The following AFF1 variants were observed in gnomAD, a reference collection of about 807,000 sequenced individuals.
The protein encoded by AFF1 is AF4/FMR2 family member 1.
Under a neutral mutation model 121.7 loss-of-function variants are expected in AFF1, and 48 were observed. The observed-to-expected ratio is 0.39, with a 90% confidence interval of 0.31 to 0.50. The LOEUF (loss-of-function observed/expected upper bound fraction) is 0.50, where lower values mean the gene tolerates loss of function less well. Ranked by LOEUF, AFF1 falls within the 20% of genes least tolerant of loss-of-function variation. The pLI, the probability that AFF1 is intolerant of heterozygous loss-of-function variation, is 0.76. For synonymous variants in AFF1, 613 were observed against 563.0 expected (o/e 1.09, Z -1.26); for missense variants, 1,523 against 1,511.7 (o/e 1.01, Z -0.12).
intron 16 of AFF1, 112 bp from the exon 17 acceptor site, chr4:87,130,971 C>G (rs1728772720): frequency 2.2e-6 from 3 of 1,381,476 alleles, no homozygotes; most frequent in Non-Finnish European, 3.0e-6. Context: ...ACACTTCTCC[C>G]TGGCCATAAT....
At chr4:86,950,450 G>A (rs1162077357) in intron 2 of AFF1, among the ~76,000 whole-genome samples, 3 of 152,198 alleles carry the variant, frequency 2.0e-5, no homozygotes, top group Non-Finnish European at 2.9e-5. Context: ...GATTACAGGC[G>A]TGAGCCGCTG....
At chr4:86,949,823 C>G in intron 2 of AFF1, 1 of 1,613,996 alleles carries the variant, frequency 6.2e-7, no homozygotes, top group Non-Finnish European at 8.5e-7. Flanking sequence ...GATGGCGAAA[C>G]CGATCCAGGA....
chr4:86,970,272 G>A (rs897350462), intron 2 of AFF1, among the ~76,000 whole-genome samples: 8 of 152,208 alleles, frequency 5.3e-5, no homozygotes, highest in African/African-American at 1.7e-4. Flanking sequence ...AGGATTGCTT[G>A]AGGTGAAGAG....
At chr4:86,955,975 C>T (rs1721710250) in intron 2 of AFF1, among the ~76,000 whole-genome samples, 1 of 152,206 alleles carries the variant, frequency 6.6e-6, no homozygotes, top group Non-Finnish European at 1.5e-5. Flanking sequence ...ATTATATGGA[C>T]AGATCTTCTT....
intron 15 of AFF1, 83 bp downstream of exon 15, chr4:87,127,200 AC>A: frequency 8.5e-7 from 1 of 1,182,196 alleles, no homozygotes; most frequent in Non-Finnish European, 1.2e-6. Flanking sequence ...TCACTCTGTC[AC>A]CCAGGCTGGA....
intron 2 of AFF1, among the ~76,000 whole-genome samples, chr4:87,044,397 A>C (rs1730464273): frequency 6.6e-6 from 1 of 152,112 alleles, no homozygotes; most frequent in Admixed American, 6.5e-5. Context: ...AGAGGTGCTA[A>C]ATTTGCGAGG....
chr4:87,110,697 C>A (rs1277214683), intron 11 of AFF1, among the ~76,000 whole-genome samples: 1 of 152,074 alleles, frequency 6.6e-6, no homozygotes, highest in Non-Finnish European at 1.5e-5. Context: ...AAGAGTAAAT[C>A]TATATTGTGC....
At chr4:86,959,379 G>A (rs1721981495) in intron 2 of AFF1, among the ~76,000 whole-genome samples, 1 of 151,868 alleles carries the variant, frequency 6.6e-6, no homozygotes, top group South Asian at 2.1e-4. Context: ...ATTAAAAAAA[G>A]AAACCTCTTT....
chr4:87,049,743 G>A, intron 4 of AFF1: 1 of 456,182 alleles, frequency 2.2e-6, no homozygotes, highest in South Asian at 1.5e-5. Flanking sequence ...CAACTGCCTG[G>A]GAGCCCCGTG....
intron 2 of AFF1, chr4:86,949,974 C>T (rs956239152): frequency 2.0e-5 from 33 of 1,613,982 alleles, no homozygotes; most frequent in African/African-American, 6.7e-5. Flanking sequence ...GAGAAGTTGC[C>T]GAGCTGGCAG....
chr4:86,974,069 C>G (rs10003332), intron 2 of AFF1: 143,450 of 152,330 alleles, frequency 0.94, 68,008 homozygotes, highest in Non-Finnish European at 1. Context: ...AATGAGAACC[C>G]TGGTAATTCT....
At chr4:87,109,662 GA>G (rs1432141132) in intron 11 of AFF1, among the ~76,000 whole-genome samples, 2 of 152,154 alleles carry the variant, frequency 1.3e-5, no homozygotes, top group Non-Finnish European at 2.9e-5. Flanking sequence ...ACATCGAAAA[GA>G]TAATTAACAT....
chr4:86,993,287 G>T lies in AFF1; in HGVS notation c.38+44716G>T, dbSNP rs1377890906. The stretch of plus-strand genomic sequence containing the variant: ...TGATGTAACCTCTTTTATGTGTGAG[G>T]AGACCAGATCTTAGTATAACTAATA... On this transcript the variant is annotated intron_variant, in intron 2 of 20. Transcript: ENST00000395146. 2.0e-5 allele frequency among the ~76,000 whole-genome samples: 3 copies of T among 152,166 alleles called. No homozygotes were observed. The East Asian group carries it at 5.8e-4, about 29-fold the overall frequency.
intron 5 of AFF1, among the ~76,000 whole-genome samples, chr4:87,085,306 G>A (rs1218074641): frequency 6.6e-6 from 1 of 152,030 alleles, no homozygotes. Context: ...TAATTTTAAT[G>A]CTCAGGTACA....
intron 2 of AFF1, among the ~76,000 whole-genome samples, chr4:86,987,998 GCCCACCC>G (rs1188883724): frequency 7.6e-6 from 1 of 132,428 alleles, no homozygotes; most frequent in Non-Finnish European, 1.6e-5. Flanking sequence ...TGTTATTCCC[GCCCACCC>G]CCCAACCCCA....
intron 2 of AFF1, among the ~76,000 whole-genome samples, chr4:86,978,637 C>T (rs901596596): frequency 6.6e-6 from 1 of 151,838 alleles, no homozygotes; most frequent in African/African-American, 2.4e-5. Context: ...CATAGTGAGC[C>T]TGCTTGTTTC....
chr4:87,003,744 A>G (rs1725892942), intron 2 of AFF1, among the ~76,000 whole-genome samples: 2 of 152,248 alleles, frequency 1.3e-5, no homozygotes, highest in South Asian at 4.1e-4. Flanking sequence ...CAGTCAATAT[A>G]GATAAAACAG....
Position 87,127,084 on chromosome 4 carries a change from C to G in AFF1, c.2870C>G (p.Ser957Cys). The G allele has an allele frequency of 6.2e-7, 1 of 1,612,932 alleles. No homozygotes were observed. Among genetic ancestry groups the G allele is most frequent in the Non-Finnish European group, 8.5e-7 (1 of 1,179,532 alleles). The change falls in exon 15 of 21, where the codon TCT (serine) becomes TGT (cysteine). Residue 957 changes from serine (S) to cysteine (C), a missense_variant. Ser to Cys is a moderately radical substitution (Grantham distance 112). Transcript: ENST00000395146. ...FPVPSLPNGN[S>C]KPGKPQVKFD... ...GTGCCTTCTTTGCCAAATGGTAACT[C>G]TAAACCAGGGAAGCCTCAAGTGAAG...
At chr4:87,077,800 A>G (rs377761788) in intron 4 of AFF1, among the ~76,000 whole-genome samples, 2 of 152,184 alleles carry the variant, frequency 1.3e-5, no homozygotes, top group African/African-American at 4.8e-5. Flanking sequence ...AATCAATGCA[A>G]AAAGAGCATC....
Sources: allele counts gnomAD v4.1 joint callset (sites outside exome capture counted in the v4.1 genomes callset), GRCh38; gene constraint gnomAD v4.1.1; transcripts MANE v1.5; gene names NCBI Gene and HGNC (gene_info 2026-07-23, HGNC 2026-07-21).